TENT4B: variants seen among roughly 807,000 people sequenced by gnomAD.
The protein encoded by TENT4B is PAP associated domain containing 5.
In TENT4B, 10 loss-of-function variants were observed where a neutral mutation model predicts 75.0. That is an observed-to-expected ratio of 0.13 (90% CI 0.08 to 0.23). The LOEUF is 0.23. Ranked by LOEUF, TENT4B falls within the 10% of genes least tolerant of loss-of-function variation. The probability of loss-of-function intolerance (pLI) is 1.00; values close to 1 mark genes in which losing one functional copy is unlikely to be tolerated. For missense variants in TENT4B, 579 were observed against 893.8 expected, an observed-to-expected ratio of 0.65 and a Z score of 4.49; for synonymous variants, 350 against 357.7, an observed-to-expected ratio of 0.98 and a Z score of 0.24.
chr16:50,220,298 T>G (rs2031768375), intron 5 of TENT4B, among the ~76,000 whole-genome samples: 1 of 151,618 alleles, frequency 6.6e-6, no homozygotes. Flanking sequence ...ACTTTTTTAT[T>G]TTATTTTTTA....
At chr16:50,214,458 C>G (rs2031446433) in intron 3 of TENT4B, among the ~76,000 whole-genome samples, 191 bp downstream of exon 3, 1 of 152,084 alleles carries the variant, frequency 6.6e-6, no homozygotes, top group Non-Finnish European at 1.5e-5. Flanking sequence ...GAGTTCAAGA[C>G]CAGCCTGGCC....
At chr16:50,207,035 C>T (rs2031017394) in intron 1 of TENT4B, among the ~76,000 whole-genome samples, 1 of 150,600 alleles carries the variant, frequency 6.6e-6, no homozygotes, top group Non-Finnish European at 1.5e-5. Flanking sequence ...TAAATTTTAC[C>T]CCAGCAAATT....
Position 50,231,713 on chromosome 16 carries a change from T to G in TENT4B, c.*2385T>G. ...AAAAAGCATGAAGGAGAAATTGAGGTGTGTATACATTTCCTCAAATGACCA... is the reference window on the plus strand; with the variant it reads ...AAAAAGCATGAAGGAGAAATTGAGGGGTGTATACATTTCCTCAAATGACCA... On this transcript the variant is annotated 3_prime_UTR_variant, in exon 12 of 12. Transcript: ENST00000561678. 1 of 985,798 alleles carries G rather than the reference T, an allele frequency of 1.0e-6. No homozygotes were observed. The allele number at this position is 985,798 out of a possible 1,614,324, so 61.1% of individuals were successfully genotyped here. A position where few individuals can be genotyped will look rare whatever the true frequency, so the allele number is the denominator to read the frequency against.
At chr16:50,187,452 G>A (rs1214203657) in intron 1 of TENT4B, among the ~76,000 whole-genome samples, 2 of 152,124 alleles carry the variant, frequency 1.3e-5, no homozygotes, top group African/African-American at 2.4e-5. Flanking sequence ...GCATGGTGAT[G>A]CATACCTGTG....
chr16:50,163,886 G>T (rs1038241209), intron 1 of TENT4B, among the ~76,000 whole-genome samples: 1 of 151,614 alleles, frequency 6.6e-6, no homozygotes, highest in Non-Finnish European at 1.5e-5. Context: ...CGCCGGGTGC[G>T]ATGGCTCACG....
At chr16:50,201,963 C>T (rs569441380) in intron 1 of TENT4B, among the ~76,000 whole-genome samples, 1 of 150,468 alleles carries the variant, frequency 6.6e-6, no homozygotes, top group Admixed American at 6.6e-5. Flanking sequence ...AGTGAGACAT[C>T]GTCCCTAAAG....
chr16:50,153,303 G>C (rs1372228171), upstream of TENT4B, among the ~76,000 whole-genome samples: 1 of 143,200 alleles, frequency 7.0e-6, no homozygotes, highest in Admixed American at 7.0e-5. Context: ...GCCGCCGCTC[G>C]CTCTTCTGTG....
chr16:50,235,101 CTGGGCAACCAGTGA>C lies in TENT4B; in HGVS notation c.*5776_*5789del. 1.1e-6 allele frequency: 1 copy of C among 919,012 alleles called. No individual in the cohort carries two copies. The highest frequency in any genetic ancestry group is 1.8e-5 in the African/African-American group (1 of 56,004). 56.9% of individuals were successfully genotyped at this position (919,012 alleles called of 1,614,324 possible). A position where few individuals can be genotyped will look rare whatever the true frequency, so the allele number is the denominator to read the frequency against. On this transcript the variant is annotated 3_prime_UTR_variant, in exon 12 of 12. Coordinates refer to ENST00000561678, the MANE Select transcript of TENT4B (RefSeq NM_001365324.3). The stretch of plus-strand genomic sequence containing the variant: ...CTCAACATTTCCTGAGGCCGTATCA[CTGGGCAACCAGTGA>C]TGAAAACTATGAATGAATTGCACAC...
At chr16:50,183,095 G>C (rs1385354540) in intron 1 of TENT4B, among the ~76,000 whole-genome samples, 5 of 150,566 alleles carry the variant, frequency 3.3e-5, no homozygotes, top group Non-Finnish European at 7.4e-5. Context: ...CCAGGCTGGA[G>C]TGCAATGGCC....
chr16:50,233,385 A>G lies in TENT4B; in HGVS notation c.*4057A>G. 1 of 985,308 alleles carries G rather than the reference A, an allele frequency of 1.0e-6. No homozygotes were observed. Among genetic ancestry groups the G allele is most frequent in the East Asian group, 1.1e-4 (1 of 8,836 alleles). 61.0% of individuals were successfully genotyped at this position (985,308 alleles called of 1,614,324 possible). A position where few individuals can be genotyped will look rare whatever the true frequency, so the allele number is the denominator to read the frequency against. ...CTTCTCGATATTTAACATAGCTAAGAAGCCAGATTTTACTGTAGAAGTTAT... is the reference window on the plus strand; with the variant it reads ...CTTCTCGATATTTAACATAGCTAAGGAGCCAGATTTTACTGTAGAAGTTAT... On this transcript the variant is annotated 3_prime_UTR_variant, in exon 12 of 12. Transcript: ENST00000561678.
rs2031907393 is a variant in TENT4B, at chr16:50,223,253, G to A, written c.1247G>A (p.Arg416Gln). 7 of 1,613,460 alleles carry A rather than the reference G, an allele frequency of 4.3e-6. No individual in the cohort carries two copies. Among genetic ancestry groups the A allele is most frequent in the Middle Eastern group, 1.6e-4 (1 of 6,082 alleles). ...ATAGAATTTTTTGAATTATATGGAC[G>A]ACACTTCAATTATTTAAAGACTGGC... ...LLIEFFELYGRHFNYLKTGIR... is the reference protein window; with the variant it reads ...LLIEFFELYGQHFNYLKTGIR... Residue 416 changes from arginine to glutamine, a missense_variant, in exon 7 of 12, where the codon CGA becomes CAA. Around this residue, in one of 7 missense-constraint regions of TENT4B, gnomAD observed 71 missense variants for 210.6 expected, o/e 0.34. Transcript: ENST00000561678.
intron 2 of TENT4B, among the ~76,000 whole-genome samples, chr16:50,213,801 C>T (rs559906982): frequency 6.6e-6 from 1 of 152,136 alleles, no homozygotes; most frequent in Non-Finnish European, 1.5e-5. Flanking sequence ...ATTTAGGTAG[C>T]ATTTACATCA....
At chr16:50,194,406 G>C (rs2030071326) in intron 1 of TENT4B, among the ~76,000 whole-genome samples, 1 of 151,640 alleles carries the variant, frequency 6.6e-6, no homozygotes, top group African/African-American at 2.4e-5. Flanking sequence ...GTAGAGACGG[G>C]GTTTCATCAC....
At position 50,232,834 on chromosome 16, in the gene TENT4B, T is replaced by G; in HGVS notation, c.*3506T>G. 1 of 985,382 alleles carries G rather than the reference T, an allele frequency of 1.0e-6. No individual in the cohort carries two copies. The highest frequency in any genetic ancestry group is 1.2e-6 in the Non-Finnish European group (1 of 829,864). The allele number at this position is 985,382 out of a possible 1,614,324, so 61.0% of individuals were successfully genotyped here. A position where few individuals can be genotyped will look rare whatever the true frequency, so the allele number is the denominator to read the frequency against. On this transcript the variant is annotated 3_prime_UTR_variant, in exon 12 of 12. Coordinates refer to ENST00000561678, the MANE Select transcript of TENT4B (RefSeq NM_001365324.3). The stretch of plus-strand genomic sequence containing the variant: ...TCTATAGTTTGATCAGTTCCTTGAA[T>G]TCTAATATGTTGATTTCTCAGTGTT...
intron 1 of TENT4B, among the ~76,000 whole-genome samples, chr16:50,157,566 T>C (rs1036674296): frequency 3.9e-5 from 6 of 152,158 alleles, no homozygotes; most frequent in African/African-American, 1.2e-4. Flanking sequence ...TTTTAAAACA[T>C]TTTTTTATTT....
intron 1 of TENT4B, among the ~76,000 whole-genome samples, chr16:50,199,201 C>T (rs977417277): frequency 3.9e-5 from 6 of 152,224 alleles, no homozygotes; most frequent in African/African-American, 1.4e-4. Flanking sequence ...GAAGATACCA[C>T]GTGGGGTGCT....
intron 1 of TENT4B, among the ~76,000 whole-genome samples, chr16:50,198,034 T>C (rs2030389387): frequency 1.3e-5 from 2 of 151,284 alleles, no homozygotes; most frequent in Admixed American, 6.6e-5. Context: ...TTCTAGCCAA[T>C]GTAGTAGGGC....
chr16:50,185,230 G>A (rs530071562), intron 1 of TENT4B, among the ~76,000 whole-genome samples: 1 of 152,308 alleles, frequency 6.6e-6, no homozygotes, highest in East Asian at 1.9e-4. Context: ...ATCTTACTGT[G>A]TATTACTAGC....
chr16:50,222,231 C>G, intron 5 of TENT4B, 75 bp from the exon 6 acceptor site: 1 of 1,346,416 alleles, frequency 7.4e-7, no homozygotes, highest in South Asian at 1.4e-5. Context: ...ATGTAAGGAC[C>G]AATTTATGCC....
Sources: gnomAD v4.1 joint callset for allele counts (sites outside exome capture counted in the v4.1 genomes callset) on GRCh38, gnomAD v4.1.1 for gene constraint, gnomAD v4.1.1 regional missense constraint, MANE v1.5 for transcripts, NCBI Gene and HGNC (gene_info 2026-07-23, HGNC 2026-07-21) for gene names.